CNTNAP2: variants seen among roughly 807,000 people sequenced by gnomAD.
The protein encoded by CNTNAP2 is contactin-associated protein-like 2.
CNTNAP2 carries 98 observed loss-of-function variants against 155.2 expected under a neutral mutation model. That is an observed-to-expected ratio of 0.63 (90% confidence interval 0.54 to 0.75). The LOEUF (loss-of-function observed/expected upper bound fraction) is 0.75, where lower values mean the gene tolerates loss of function less well. Among genes scored for constraint, CNTNAP2 ranks in the 30% least tolerant of loss-of-function variants. CNTNAP2 has a pLI of 0.00. For missense variants in CNTNAP2, 1,727 were observed against 1,688.1 expected (o/e 1.02, Z -0.40); for synonymous variants, 651 against 631.2 (o/e 1.03, Z -0.47).
At chr7:147,168,620 A>G (rs987353490) in intron 8 of CNTNAP2, among the ~76,000 whole-genome samples, 2 of 152,158 alleles carry the variant, frequency 1.3e-5, no homozygotes, top group Non-Finnish European at 2.9e-5. Context: ...AATAGATTAT[A>G]TTGGAATTCC....
At chr7:148,088,086 A>G (rs1803768264) in intron 15 of CNTNAP2, among the ~76,000 whole-genome samples, 2 of 152,084 alleles carry the variant, frequency 1.3e-5, no homozygotes, top group Non-Finnish European at 2.9e-5. Context: ...CACAAAATGC[A>G]TGTGTGCAAT....
intron 9 of CNTNAP2, among the ~76,000 whole-genome samples, chr7:147,384,296 A>G (rs149862745): frequency 6.6e-6 from 1 of 152,234 alleles, no homozygotes; most frequent in Non-Finnish European, 1.5e-5. Flanking sequence ...AAACTCATGT[A>G]TAATTTTCTT....
chr7:148,286,352 G>A (rs1312321516), intron 21 of CNTNAP2, among the ~76,000 whole-genome samples: 1 of 152,152 alleles, frequency 6.6e-6, no homozygotes, highest in Non-Finnish European at 1.5e-5. Flanking sequence ...CTTTTAACCA[G>A]TAGAGGTCTC....
At chr7:147,287,735 T>G (rs929154883) in intron 8 of CNTNAP2, among the ~76,000 whole-genome samples, 1 of 151,916 alleles carries the variant, frequency 6.6e-6, no homozygotes, top group African/African-American at 2.4e-5. Context: ...CAACCTCGAC[T>G]CCCTCCCCCA....
chr7:147,933,495 A>AGATAGATAGAT (rs58772978), intron 14 of CNTNAP2, among the ~76,000 whole-genome samples: 3 of 10,460 alleles, frequency 2.9e-4, no homozygotes, highest in Non-Finnish European at 8.8e-4. Context: ...AGAAAATGTG[A>AGATAGATAGAT]GATAGATAGA....
chr7:147,901,304 T>C (rs1451160992), intron 13 of CNTNAP2, among the ~76,000 whole-genome samples: 1 of 152,224 alleles, frequency 6.6e-6, no homozygotes, highest in Non-Finnish European at 1.5e-5. Context: ...AATTTAATCA[T>C]GCTAGTTCCC....
intron 2 of CNTNAP2, among the ~76,000 whole-genome samples, chr7:146,778,521 G>C (rs979897881): frequency 9.2e-5 from 14 of 152,114 alleles, no homozygotes; most frequent in Non-Finnish European, 1.8e-4. Context: ...TCTGTGTTCT[G>C]ATTTATCCCC....
chr7:146,490,905 T>C (rs1250297497), intron 1 of CNTNAP2, among the ~76,000 whole-genome samples: 2 of 152,200 alleles, frequency 1.3e-5, no homozygotes, highest in African/African-American at 4.8e-5. Context: ...TCTCACTTTG[T>C]AATGGTGACT....
intron 3 of CNTNAP2, among the ~76,000 whole-genome samples, chr7:146,889,831 C>A (rs948969539): frequency 2.0e-5 from 3 of 152,082 alleles, no homozygotes; most frequent in Non-Finnish European, 4.4e-5. Context: ...ATCCCCATGT[C>A]TTTCTTGGTA....
At chr7:147,457,257 C>G (rs973712401) in intron 10 of CNTNAP2, among the ~76,000 whole-genome samples, 1 of 152,072 alleles carries the variant, frequency 6.6e-6, no homozygotes, top group African/African-American at 2.4e-5. Flanking sequence ...GGGCTTTTTT[C>G]CCATCACTTA....
intron 1 of CNTNAP2, among the ~76,000 whole-genome samples, chr7:146,275,244 ATTG>A (rs1800145855): frequency 6.6e-6 from 1 of 152,092 alleles, no homozygotes; most frequent in African/African-American, 2.4e-5. Context: ...CATGACACTT[ATTG>A]TTTATAATAT....
intron 21 of CNTNAP2, among the ~76,000 whole-genome samples, chr7:148,276,040 T>C (rs1241629910): frequency 6.6e-6 from 1 of 152,082 alleles, no homozygotes; most frequent in Admixed American, 6.5e-5. Context: ...TGCTGCAGCA[T>C]AAGCAGGGTT....
chr7:147,894,195 C>A (rs1447342250), intron 13 of CNTNAP2: 1 of 152,126 alleles, frequency 6.6e-6, no homozygotes. Flanking sequence ...TAGAATTGCA[C>A]CAATTAAGGA....
chr7:147,789,647 G>T (rs1797789835), intron 13 of CNTNAP2, among the ~76,000 whole-genome samples: 1 of 152,222 alleles, frequency 6.6e-6, no homozygotes, highest in African/African-American at 2.4e-5. Context: ...ATTTGAGTCA[G>T]TGGACTGGGA....
intron 1 of CNTNAP2, among the ~76,000 whole-genome samples, chr7:146,229,335 A>C (rs1799346360): frequency 1.3e-5 from 2 of 152,170 alleles, no homozygotes; most frequent in Non-Finnish European, 2.9e-5. Flanking sequence ...CTTTAAACAA[A>C]ATTTCTTCAA....
chr7:148,277,801 A>T (rs1465241205), intron 21 of CNTNAP2, among the ~76,000 whole-genome samples: 1 of 146,744 alleles, frequency 6.8e-6, no homozygotes, highest in African/African-American at 2.5e-5. Flanking sequence ...AAAGAAAAAA[A>T]GAAAAAAAGC....
intron 4 of CNTNAP2, among the ~76,000 whole-genome samples, chr7:147,050,921 T>C (rs1261420599): frequency 1.3e-5 from 2 of 152,142 alleles, no homozygotes; most frequent in African/African-American, 4.8e-5. Context: ...CTTTGGCTCA[T>C]TGCTGCCTCA....
At chr7:146,814,362 T>C (rs1383723799) in intron 2 of CNTNAP2, among the ~76,000 whole-genome samples, 1 of 152,162 alleles carries the variant, frequency 6.6e-6, no homozygotes, top group African/African-American at 2.4e-5. Flanking sequence ...TTTAGGGCTG[T>C]GTTTTAGTAT....
At chr7:147,802,958 T>C (rs571619230) in intron 13 of CNTNAP2, among the ~76,000 whole-genome samples, 1 of 151,736 alleles carries the variant, frequency 6.6e-6, no homozygotes, top group East Asian at 1.9e-4. Context: ...ATAATTATAA[T>C]AAATAGTCTA....
Sources: gnomAD v4.1 joint callset for allele counts (sites outside exome capture counted in the v4.1 genomes callset) on GRCh38, gnomAD v4.1.1 for gene constraint, MANE v1.5 for transcripts, NCBI Gene and HGNC (gene_info 2026-07-23, HGNC 2026-07-21) for gene names.